Variants in GLRA2 observed in about 807,000 individuals in gnomAD.
The protein encoded by GLRA2 is glycine receptor subunit alpha-2.
In GLRA2, 11 loss-of-function variants were observed where a neutral mutation model predicts 31.6. That is an observed-to-expected ratio of 0.35 (90% CI 0.22 to 0.58). The LOEUF (loss-of-function observed/expected upper bound fraction) is 0.58, where lower values mean the gene tolerates loss of function less well. Among genes scored for constraint, GLRA2 ranks in the 20% least tolerant of loss-of-function variants. The pLI is 0.84. For missense variants in GLRA2, 212 were observed against 351.8 expected (o/e 0.60, Z 3.18); for synonymous variants, 132 against 134.0 (o/e 0.99, Z 0.10).
At chrX:14,664,703 G>T (rs932367220) in intron 7 of GLRA2, among the ~76,000 whole-genome samples, 6 of 112,172 alleles carry the variant, frequency 5.3e-5, no homozygotes, top group Non-Finnish European at 9.4e-5. Context: ...CTTGAAAACA[G>T]GACCTGACAG....
At chrX:14,460,266 C>T in the GLRA2 span, among the ~76,000 whole-genome samples, 7 of 111,728 alleles carry the variant, frequency 6.3e-5, no homozygotes, top group South Asian at 3.8e-4. Context: ...CTACTGAATT[C>T]GGTTTGCCAG....
intron 3 of GLRA2, among the ~76,000 whole-genome samples, chrX:14,578,048 C>A (rs930090602): frequency 8.9e-5 from 10 of 111,844 alleles, no homozygotes; most frequent in African/African-American, 3.3e-4. Flanking sequence ...GATTTCTCTA[C>A]ATTTTCTGGA....
intron 7 of GLRA2, among the ~76,000 whole-genome samples, chrX:14,633,738 C>T (rs2147121758): frequency 9.1e-6 from 1 of 110,108 alleles, no homozygotes; most frequent in Non-Finnish European, 1.9e-5. Flanking sequence ...GGGAAGCAAA[C>T]ACATCCTTCT....
intron 7 of GLRA2, among the ~76,000 whole-genome samples, chrX:14,657,642 C>T (rs1396278829): frequency 8.9e-6 from 1 of 112,468 alleles, no homozygotes; most frequent in African/African-American, 3.2e-5. Flanking sequence ...CATTTTGTTT[C>T]AGATATCATG....
intron 3 of GLRA2, chrX:14,574,668 G>T (rs2089929037): frequency 3.5e-6 from 2 of 565,304 alleles, no homozygotes; most frequent in African/African-American, 2.3e-5. Flanking sequence ...TTCCAACTTT[G>T]CTCGCCTCTG....
the GLRA2 span, among the ~76,000 whole-genome samples, chrX:14,488,889 T>C: frequency 2.7e-5 from 3 of 112,195 alleles, no homozygotes; most frequent in Non-Finnish European, 5.6e-5. Context: ...TTTGTTTTTT[T>C]CCCCAATTAT....
At chrX:14,506,198 G>C in the GLRA2 span, among the ~76,000 whole-genome samples, 1 of 111,689 alleles carries the variant, frequency 9.0e-6, no homozygotes. Flanking sequence ...GCATAAAAAT[G>C]TGTGTGCCTG....
chrX:14,643,021 T>C (rs2090792298), intron 7 of GLRA2, among the ~76,000 whole-genome samples: 1 of 111,428 alleles, frequency 9.0e-6, no homozygotes, highest in Non-Finnish European at 1.9e-5. Context: ...ATTTGAAGCA[T>C]AAGAGAGATT....
At chrX:14,507,689 C>CTTATTTTTTTTTTTTTTTTTTTTT in the GLRA2 span, among the ~76,000 whole-genome samples, 2 of 46,629 alleles carry the variant, frequency 4.3e-5, no homozygotes, top group Non-Finnish European at 7.9e-5. Context: ...GAAAGACATT[C>CTTATTTTTTTTTTTTTTTTTTTTT]TTTTTTTTTT....
intron 7 of GLRA2, among the ~76,000 whole-genome samples, chrX:14,639,161 T>C (rs1325759959): frequency 8.0e-5 from 9 of 111,832 alleles, no homozygotes; most frequent in Non-Finnish European, 1.5e-4. Context: ...GAATATTCAA[T>C]AAAAGGTAAT....
chrX:14,481,126 G>A, the GLRA2 span, among the ~76,000 whole-genome samples: 1 of 111,228 alleles, frequency 9.0e-6, no homozygotes, highest in Admixed American at 9.6e-5. Flanking sequence ...TTCATTATTT[G>A]TGGCTATTAT....
intron 8 of GLRA2, among the ~76,000 whole-genome samples, chrX:14,701,722 CT>C (rs1399506623): frequency 8.9e-6 from 1 of 112,698 alleles, no homozygotes; most frequent in African/African-American, 3.2e-5. Flanking sequence ...TTAACTCTAG[CT>C]TTTAATTTCA....
At chrX:14,691,955 T>C (rs1049995441) in intron 8 of GLRA2, among the ~76,000 whole-genome samples, 2 of 112,505 alleles carry the variant, frequency 1.8e-5, no homozygotes, top group Middle Eastern at 4.6e-3. Context: ...TGCTACTCTG[T>C]TGGAATGAAA....
intron 8 of GLRA2, among the ~76,000 whole-genome samples, chrX:14,702,414 C>T (rs2091557198): frequency 8.9e-6 from 1 of 111,849 alleles, no homozygotes; most frequent in Admixed American, 9.5e-5. Context: ...TCCCTGAAGC[C>T]CCTCCCTAGA....
the GLRA2 span, among the ~76,000 whole-genome samples, chrX:14,472,993 G>A: frequency 2.7e-5 from 3 of 111,171 alleles, no homozygotes; most frequent in Non-Finnish European, 5.7e-5. Context: ...AAATTCCTTT[G>A]GACAGTGGAG....
the GLRA2 span, among the ~76,000 whole-genome samples, chrX:14,518,795 G>T: frequency 6.5e-5 from 7 of 107,235 alleles, no homozygotes; most frequent in East Asian, 2.0e-3. Context: ...CCGATCACGA[G>T]GTCAGGAGAT....
chrX:14,600,717 C>T (rs1434726441), intron 4 of GLRA2, among the ~76,000 whole-genome samples: 1 of 110,374 alleles, frequency 9.1e-6, no homozygotes, highest in Non-Finnish European at 1.9e-5. Context: ...CTTAGCAATT[C>T]TGAAATATAC....
At chrX:14,574,225 C>A (rs1190932064) in intron 2 of GLRA2, 108 bp from the exon 3 acceptor site, 10 of 529,635 alleles carry the variant, frequency 1.9e-5, no homozygotes. Context: ...TTTTGGCAAT[C>A]TCACCATCAT....
chrX:14,460,697 T>C, the GLRA2 span, among the ~76,000 whole-genome samples: 1 of 112,271 alleles, frequency 8.9e-6, no homozygotes, highest in Non-Finnish European at 1.9e-5. Flanking sequence ...GTGGAATCAG[T>C]GGTGATATCC....
Sources: gnomAD v4.1 joint callset for allele counts (sites outside exome capture counted in the v4.1 genomes callset) on GRCh38, gnomAD v4.1.1 for gene constraint, MANE v1.5 for transcripts, NCBI Gene and HGNC (gene_info 2026-07-23, HGNC 2026-07-21) for gene names.